RORA: variants seen among roughly 807,000 people sequenced by gnomAD.
The protein encoded by RORA is RAR related orphan receptor A.
In RORA, 7 loss-of-function variants were observed where a neutral mutation model predicts 69.5. That is an observed-to-expected ratio of 0.10 (90% CI 0.06 to 0.19). The LOEUF (loss-of-function observed/expected upper bound fraction) is 0.19, where lower values mean the gene tolerates loss of function less well. Ranked by LOEUF, RORA falls within the 10% of genes least tolerant of loss-of-function variation. RORA has a pLI of 1.00. For missense variants in RORA, 457 were observed against 663.0 expected (o/e 0.69, Z 3.41); for synonymous variants, 261 against 240.8 (o/e 1.08, Z -0.78).
rs115417405 is a variant in RORA, at chr15:60,640,597, C to T, written c.196+38060G>A. On this transcript the variant is annotated intron_variant, in intron 2 of 10. Coordinates refer to ENST00000335670, the MANE Select transcript of RORA (RefSeq NM_134261.3). ...TGCCTACCGCTTTCCTTTTAGACTCCACTTGCTACTGCTTTTTTCTTCTAT... is the reference window on the plus strand; with the variant it reads ...TGCCTACCGCTTTCCTTTTAGACTCTACTTGCTACTGCTTTTTTCTTCTAT... Among the ~76,000 whole-genome samples the T allele has an allele frequency of 6.5e-3, 991 of 152,292 alleles. 12 individuals are homozygous for T. The highest frequency in any genetic ancestry group is 0.023 in the African/African-American group (954 of 41,556).
Position 60,991,195 on chromosome 15 carries a change from C to T in RORA, c.166+237858G>A, listed in dbSNP as rs748138261. On this transcript the variant is annotated intron_variant, in intron 1 of 10. Transcript: ENST00000335670. Reference sequence around the variant, plus strand: ...AGAACCAGGTGGCAAGAGAACAGAACTTCCTGTATCAAGCTGACTTCTAGC... The same window carrying T: ...AGAACCAGGTGGCAAGAGAACAGAATTTCCTGTATCAAGCTGACTTCTAGC... 2.8e-4 allele frequency among the ~76,000 whole-genome samples: 43 copies of T among 152,290 alleles called. No individual in the cohort carries two copies. In the South Asian group the frequency reaches 3.3e-3, roughly 12 times the overall value.
chr15:60,867,258 G>A (rs554614844), intron 1 of RORA, among the ~76,000 whole-genome samples: 2 of 152,158 alleles, frequency 1.3e-5, no homozygotes, highest in African/African-American at 4.8e-5. Flanking sequence ...AGCCTGAGGA[G>A]GGGTACTGGC....
rs142221143 is a variant in RORA at position 61,093,406 on chromosome 15, T to C, written c.166+135647A>G. 3.6e-3 allele frequency among the ~76,000 whole-genome samples: 551 copies of C among 152,260 alleles called. 15 individuals are homozygous for C. The highest frequency in any genetic ancestry group is 0.033 in the Admixed American group (511 of 15,300). ...AAGGGCACCAGCCAAACAAATGATA[T>C]AGGCATGAGGCCACATGGTGGACTA... On this transcript the variant is annotated intron_variant, in intron 1 of 10. Transcript: ENST00000335670.
At chr15:60,858,353 G>T (rs1010086062) in intron 1 of RORA, among the ~76,000 whole-genome samples, 1 of 152,196 alleles carries the variant, frequency 6.6e-6, no homozygotes, top group African/African-American at 2.4e-5. Context: ...GCAAAAACAC[G>T]TTCTGGGTCT....
intron 1 of RORA, among the ~76,000 whole-genome samples, chr15:61,177,907 A>G (rs2079645577): frequency 6.6e-6 from 1 of 151,736 alleles, no homozygotes; most frequent in Non-Finnish European, 1.5e-5. Flanking sequence ...GGCTGCAGTG[A>G]GCCGAGATTG....
intron 1 of RORA, among the ~76,000 whole-genome samples, chr15:60,777,942 C>G (rs994651390): frequency 1.6e-4 from 25 of 152,200 alleles, no homozygotes; most frequent in African/African-American, 5.8e-4. Context: ...TCTCTTTGCT[C>G]TCTTGCATCC....
chr15:61,116,067 TA>T (rs1474520442), intron 1 of RORA, among the ~76,000 whole-genome samples: 1 of 151,584 alleles, frequency 6.6e-6, no homozygotes. Flanking sequence ...CTTCAGCACT[TA>T]AAAAAACAAA....
chr15:60,918,243 A>G (rs944873831), intron 1 of RORA, among the ~76,000 whole-genome samples: 16 of 152,244 alleles, frequency 1.1e-4, no homozygotes, highest in Non-Finnish European at 1.9e-4. Flanking sequence ...TCAAGGAACC[A>G]TGAGAAAACA....
At chr15:61,137,197 GCT>G (rs1011179901) in intron 1 of RORA, among the ~76,000 whole-genome samples, 7 of 152,230 alleles carry the variant, frequency 4.6e-5, no homozygotes, top group East Asian at 1.9e-4. Flanking sequence ...ACCAAATCTA[GCT>G]CTGTTTATTC....
intron 1 of RORA, among the ~76,000 whole-genome samples, chr15:60,900,329 C>G (rs1029642508): frequency 6.6e-6 from 1 of 152,142 alleles, no homozygotes; most frequent in Admixed American, 6.5e-5. Context: ...AAACAGTAGC[C>G]CAACAGCACA....
At chr15:61,097,267 A>G (rs563268068) in intron 1 of RORA, among the ~76,000 whole-genome samples, 1 of 152,362 alleles carries the variant, frequency 6.6e-6, no homozygotes, top group African/African-American at 2.4e-5. Context: ...GCTTTCCAGC[A>G]CATTGGGCTG....
chr15:61,051,829 T>A (rs1365525893), intron 1 of RORA, among the ~76,000 whole-genome samples: 2 of 152,176 alleles, frequency 1.3e-5, no homozygotes, highest in African/African-American at 4.8e-5. Flanking sequence ...GACATGAGTG[T>A]CTTCAAGCTA....
intron 10 of RORA, among the ~76,000 whole-genome samples, chr15:60,497,897 TA>T (rs879706472): frequency 7.3e-4 from 105 of 143,270 alleles, no homozygotes; most frequent in Non-Finnish European, 6.9e-4. Context: ...TGTCTCTACC[TA>T]AAAAAAAAAA....
intron 1 of RORA, among the ~76,000 whole-genome samples, chr15:61,152,267 G>A (rs2079404142): frequency 1.3e-5 from 2 of 152,124 alleles, no homozygotes; most frequent in Admixed American, 1.3e-4. Context: ...AGAAATAGTT[G>A]AGTTCCTGCC....
chr15:60,989,941 T>A lies in RORA; in HGVS notation c.166+239112A>T, dbSNP rs137925364. ...GTAGTCCATTCACAGGTCCACCCAC[T>A]ATACTTAGAACTTCTTTGGCTAAAA... On this transcript the variant is annotated intron_variant, in intron 1 of 10. Transcript: ENST00000335670. Among the ~76,000 whole-genome samples the A allele has an allele frequency of 4.2e-3, 647 of 152,326 alleles. 7 individuals are homozygous for A. Among genetic ancestry groups the A allele is most frequent in the African/African-American group, 0.015 (619 of 41,588 alleles).
At position 60,494,443 on chromosome 15, in the gene RORA, A is replaced by G. The variant is rs1479991500; in HGVS notation, c.*3012T>C. 3.3e-5 allele frequency: 5 copies of G among 152,380 alleles called. No homozygotes were observed. In the South Asian group the frequency reaches 1.0e-3, roughly 32 times the overall value. The allele number at this position is 152,380 out of a possible 1,614,324, so 9.4% of individuals were successfully genotyped here. ...AGACTATTGGAGACTGAAGTTTAGG[A>G]AACTTTAATTATAAAAACTATTAAG... On this transcript the variant is annotated 3_prime_UTR_variant, in exon 11 of 11. Transcript: ENST00000335670.
intron 1 of RORA, among the ~76,000 whole-genome samples, chr15:61,152,019 T>C (rs1293747721): frequency 1.3e-5 from 2 of 152,160 alleles, no homozygotes; most frequent in Non-Finnish European, 2.9e-5. Context: ...TCAGAGTAGT[T>C]TGGGAAAAAT....
At chr15:60,882,321 C>T (rs1387301466) in intron 1 of RORA, among the ~76,000 whole-genome samples, 1 of 152,204 alleles carries the variant, frequency 6.6e-6, no homozygotes. Context: ...GGAGTATGCA[C>T]TGACCTCTAA....
intron 1 of RORA, among the ~76,000 whole-genome samples, chr15:60,749,054 AG>A (rs1412090136): frequency 6.6e-6 from 1 of 152,208 alleles, no homozygotes; most frequent in African/African-American, 2.4e-5. Flanking sequence ...GTCCATCCCC[AG>A]GGATCCTGAT....
Sources: gnomAD v4.1 joint callset for allele counts (sites outside exome capture counted in the v4.1 genomes callset) on GRCh38, gnomAD v4.1.1 for gene constraint, MANE v1.5 for transcripts, NCBI Gene and HGNC (gene_info 2026-07-23, HGNC 2026-07-21) for gene names.